The following TAB2 variants were observed in gnomAD, a reference collection of about 807,000 sequenced individuals.
TAB2 encodes the protein TGF-beta activated kinase 1 (MAP3K7) binding protein 2, also known as TGF-beta-activated kinase 1 and MAP3K7-binding protein 2.
Under a neutral mutation model 65.0 loss-of-function variants are expected in TAB2, and 3 were observed. That is an observed-to-expected ratio of 0.05 (90% CI 0.02 to 0.12). The LOEUF is 0.12. Among genes scored for constraint, TAB2 ranks in the 10% least tolerant of loss-of-function variants. The probability of loss-of-function intolerance (pLI) is 1.00; values close to 1 mark genes in which losing one functional copy is unlikely to be tolerated. For synonymous variants in TAB2, 298 were observed against 285.1 expected (o/e 1.05, Z -0.46); for missense variants, 623 against 840.3 (o/e 0.74, Z 3.20).
At chr6:149,397,364 C>T (rs146693605) in intron 3 of TAB2, among the ~76,000 whole-genome samples, 93 of 152,042 alleles carry the variant, frequency 6.1e-4, no homozygotes, top group Middle Eastern at 6.8e-3. Context: ...TCACTTGAAC[C>T]CAGGAGGCAG....
At chr6:149,337,439 G>T (rs1779968809) in intron 1 of TAB2, among the ~76,000 whole-genome samples, 1 of 152,100 alleles carries the variant, frequency 6.6e-6, no homozygotes, top group African/African-American at 2.4e-5. Flanking sequence ...ACTGGAGAAG[G>T]CATTGAAAAA....
At chr6:149,303,592 G>A (rs996363542) in intron 1 of TAB2, among the ~76,000 whole-genome samples, 1 of 152,026 alleles carries the variant, frequency 6.6e-6, no homozygotes, top group Non-Finnish European at 1.5e-5. Context: ...ATAATTATAG[G>A]TAATTTTTTA....
intron 1 of TAB2, among the ~76,000 whole-genome samples, chr6:149,289,527 C>A (rs2114693245): frequency 6.6e-6 from 1 of 152,334 alleles, no homozygotes; most frequent in Middle Eastern, 3.4e-3. Flanking sequence ...GTGTTTCCCA[C>A]ATGCAGCCAC....
intron 1 of TAB2, among the ~76,000 whole-genome samples, chr6:149,273,340 G>A (rs1212241460): frequency 6.6e-6 from 1 of 152,234 alleles, no homozygotes; most frequent in Non-Finnish European, 1.5e-5. Flanking sequence ...GACAAGGGCA[G>A]CAGTGAGAGG....
At chr6:149,346,115 G>A (rs1300983676) in intron 1 of TAB2, among the ~76,000 whole-genome samples, 4 of 152,186 alleles carry the variant, frequency 2.6e-5, no homozygotes, top group Non-Finnish European at 5.9e-5. Context: ...TAGATGAAGA[G>A]AGGGAGGAAG....
chr6:149,229,335 T>C (rs1241831282), intron 1 of TAB2, among the ~76,000 whole-genome samples: 2 of 151,992 alleles, frequency 1.3e-5, no homozygotes, highest in Non-Finnish European at 2.9e-5. Flanking sequence ...GCACCGTGCT[T>C]CTACTAACAA....
At chr6:149,404,390 A>T (rs568329117) in intron 6 of TAB2, among the ~76,000 whole-genome samples, 1 of 152,358 alleles carries the variant, frequency 6.6e-6, no homozygotes, top group South Asian at 2.1e-4. Flanking sequence ...ATTCAATGTA[A>T]TCCCTGTCAA....
intron 1 of TAB2, among the ~76,000 whole-genome samples, chr6:149,324,861 A>G (rs1030231333): frequency 6.7e-6 from 1 of 149,888 alleles, no homozygotes; most frequent in Non-Finnish European, 1.5e-5. Flanking sequence ...CAGTGACACA[A>G]TCATAGCTCG....
intron 1 of TAB2, among the ~76,000 whole-genome samples, chr6:149,310,098 G>A (rs62426060): frequency 3.3e-5 from 5 of 151,564 alleles, no homozygotes; most frequent in Non-Finnish European, 7.4e-5. Context: ...TTAGGAGGCG[G>A]GAGATGGGCC....
chr6:149,304,816 A>C (rs1779033191), intron 1 of TAB2, among the ~76,000 whole-genome samples: 1 of 152,062 alleles, frequency 6.6e-6, no homozygotes, highest in Admixed American at 6.6e-5. Context: ...GAATACCTCC[A>C]CCTCCAGTCC....
chr6:149,296,518 A>C (rs1778879682), intron 1 of TAB2, among the ~76,000 whole-genome samples: 1 of 152,194 alleles, frequency 6.6e-6, no homozygotes, highest in Admixed American at 6.5e-5. Flanking sequence ...TATTTCAAGA[A>C]ATGTTTTAAA....
rs528455627 is a variant in TAB2, at chr6:149,310,351, C to CA, written c.-120-67661dup. Among the ~76,000 whole-genome samples, 44 of 152,004 alleles carry CA rather than the reference C, an allele frequency of 2.9e-4. No individual in the cohort carries two copies. The East Asian group carries it at 5.8e-3, about 20-fold the overall frequency. On this transcript the variant is annotated intron_variant, in intron 1 of 1. Coordinates refer to the TAB2 transcript ENST00000606202. ...CCCCATCTCAAAACAAAAACAAAAA[C>CA]AAAAAACGTAAATGTGGGGGCAATT... is the stretch of plus-strand genomic sequence containing the variant.
At chr6:149,383,956 C>T (rs2114904729) in intron 3 of TAB2, among the ~76,000 whole-genome samples, 1 of 152,302 alleles carries the variant, frequency 6.6e-6, no homozygotes, top group South Asian at 2.1e-4. Context: ...GAAAATGCAT[C>T]TTTTCTGCTT....
At chr6:149,285,494 T>G (rs560862241) in intron 1 of TAB2, among the ~76,000 whole-genome samples, 3 of 152,318 alleles carry the variant, frequency 2.0e-5, no homozygotes, top group African/African-American at 7.2e-5. Context: ...TTCCACTTGT[T>G]GCCCCTACTG....
rs75152717 is a variant in TAB2 at position 149,331,854 on chromosome 6, G to A, written c.-90+13839G>A. ...TACCTTTTTAAATATTCACTCTGCT[G>A]TGTGTGGAGTAGACTTTGGAGATAG... is the stretch of plus-strand genomic sequence containing the variant. On this transcript the variant is annotated intron_variant, in intron 1 of 6. Coordinates refer to ENST00000637181, the MANE Select transcript of TAB2 (RefSeq NM_001292034.3). Among the ~76,000 whole-genome samples, 11 of 152,284 alleles carry A rather than the reference G, an allele frequency of 7.2e-5. 1 individual carries two copies. The East Asian group carries it at 2.1e-3, about 29-fold the overall frequency.
chr6:149,390,801 AT>A (rs549226411), intron 3 of TAB2, among the ~76,000 whole-genome samples: 119 of 152,084 alleles, frequency 7.8e-4, no homozygotes, highest in African/African-American at 2.7e-3. Context: ...GATACTGAAT[AT>A]TTTTTTCTTT....
intron 1 of TAB2, among the ~76,000 whole-genome samples, chr6:149,265,802 A>G (rs944425708): frequency 1.3e-5 from 2 of 152,170 alleles, no homozygotes; most frequent in African/African-American, 4.8e-5. Context: ...CCTGGAATTC[A>G]AAGTTTTCCA....
chr6:149,272,610 C>T (rs1383649414), intron 1 of TAB2, among the ~76,000 whole-genome samples: 1 of 152,128 alleles, frequency 6.6e-6, no homozygotes, highest in Non-Finnish European at 1.5e-5. Flanking sequence ...TTACCATGTG[C>T]CCACCCAAAT....
At chr6:149,234,601 G>A (rs1267507517) in intron 1 of TAB2, among the ~76,000 whole-genome samples, 4 of 152,168 alleles carry the variant, frequency 2.6e-5, no homozygotes, top group Admixed American at 2.0e-4. Context: ...TGCAAATGAC[G>A]CTGTCAGCCA....
Sources: allele counts gnomAD v4.1 joint callset (sites outside exome capture counted in the v4.1 genomes callset), GRCh38; gene constraint gnomAD v4.1.1; transcripts MANE v1.5; gene names NCBI Gene and HGNC (gene_info 2026-07-23, HGNC 2026-07-21).